Variants in PHACTR1 observed in about 807,000 individuals in gnomAD.
The protein encoded by PHACTR1 is RPEL repeat containing 1.
A neutral mutation model predicts 69.2 loss-of-function variants in PHACTR1; 16 were observed. The ratio of observed to expected loss-of-function variants is 0.23; its 90% CI spans 0.16 to 0.35. The LOEUF (loss-of-function observed/expected upper bound fraction) is 0.35, where lower values mean the gene tolerates loss of function less well. PHACTR1 is among the 10% of genes least tolerant of loss of function. PHACTR1 has a pLI of 1.00. For synonymous variants in PHACTR1, 312 were observed against 284.5 expected (o/e 1.10, Z -0.97); for missense variants, 510 against 734.7 (o/e 0.69, Z 3.54).
chr6:13,283,709 C>A lies in PHACTR1; in HGVS notation c.1650+147C>A. Reference sequence around the variant, plus strand: ...GAGTGTTGAGACCCCAACACCTTTCCCCAGGGGCCACAGATAATCTGCGGA... The same window carrying A: ...GAGTGTTGAGACCCCAACACCTTTCACCAGGGGCCACAGATAATCTGCGGA... On this transcript the variant is annotated intron_variant, in intron 13 of 14. Transcript: ENST00000332995. This position sits in a 1 kb window ranked among gnomAD's most constrained non-coding sequence, Gnocchi z 4.7. 1 of 1,154,950 alleles carries A rather than the reference C, an allele frequency of 8.7e-7. No homozygotes were observed. The allele number at this position is 1,154,950 out of a possible 1,614,324, so 71.5% of individuals were successfully genotyped here. A position where few individuals can be genotyped will look rare whatever the true frequency, so the allele number is the denominator to read the frequency against.
intron 5 of PHACTR1, among the ~76,000 whole-genome samples, chr6:13,064,286 C>G (rs761588047): frequency 1.8e-4 from 28 of 151,566 alleles, no homozygotes; most frequent in Non-Finnish European, 2.6e-4. Flanking sequence ...GACTTGATTA[C>G]AGATTGGATG....
intron 4 of PHACTR1, chr6:12,934,052 G>A (rs1436901777): frequency 7.2e-7 from 1 of 1,387,298 alleles, no homozygotes; most frequent in Non-Finnish European, 9.5e-7. Context: ...CCCAAATCAA[G>A]GTGTTGGTGG....
chr6:12,887,191 C>A (rs1783726548), intron 4 of PHACTR1, among the ~76,000 whole-genome samples: 1 of 152,216 alleles, frequency 6.6e-6, no homozygotes, highest in Non-Finnish European at 1.5e-5. Context: ...AGGCCCCTTC[C>A]TGTGCTCCTC....
intron 6 of PHACTR1, among the ~76,000 whole-genome samples, chr6:13,164,109 C>T (rs192956213): frequency 5.9e-5 from 9 of 152,022 alleles, no homozygotes; most frequent in African/African-American, 9.6e-5. Context: ...CAGTGTCCAC[C>T]GAGAACCCGG....
At chr6:13,023,287 C>T (rs1324513324) in intron 4 of PHACTR1, among the ~76,000 whole-genome samples, 1 of 152,156 alleles carries the variant, frequency 6.6e-6, no homozygotes, top group African/African-American at 2.4e-5. Context: ...TTCCCACTCC[C>T]ACCCTGACCT....
At chr6:13,215,515 T>C (rs1019712801) in intron 8 of PHACTR1, among the ~76,000 whole-genome samples, 1 of 151,664 alleles carries the variant, frequency 6.6e-6, no homozygotes, top group Non-Finnish European at 1.5e-5. Context: ...GAAAAGGGAG[T>C]TGGCATTTGT....
intron 4 of PHACTR1, among the ~76,000 whole-genome samples, chr6:12,919,542 A>G (rs1787411308): frequency 6.6e-6 from 1 of 152,224 alleles, no homozygotes; most frequent in African/African-American, 2.4e-5. Flanking sequence ...TGTGTTTCAG[A>G]ATCAAGGAAA....
Position 13,183,798 on chromosome 6 carries a change from G to A in PHACTR1, c.664+1112G>A, listed in dbSNP as rs1201085560. 9.2e-5 allele frequency among the ~76,000 whole-genome samples: 14 copies of A among 152,194 alleles called. 1 individual carries two copies. Among genetic ancestry groups the A allele is most frequent in the Non-Finnish European group, 1.8e-4 (12 of 68,040 alleles). ...AGACTTCCTTGTGACACTGAAGTCAGATAGATTTGACTGTTATAGTAAAAA... is the reference window on the plus strand; with the variant it reads ...AGACTTCCTTGTGACACTGAAGTCAAATAGATTTGACTGTTATAGTAAAAA... On this transcript the variant is annotated intron_variant, in intron 7 of 14. Transcript: ENST00000332995.
intron 5 of PHACTR1, among the ~76,000 whole-genome samples, chr6:13,116,372 C>G (rs1817822003): frequency 1.3e-5 from 2 of 152,204 alleles, no homozygotes; most frequent in African/African-American, 4.8e-5. Flanking sequence ...AGAGCAATGT[C>G]AAATGAGGAA....
chr6:12,808,521 A>C (rs1459491190), intron 4 of PHACTR1, among the ~76,000 whole-genome samples: 3 of 152,236 alleles, frequency 2.0e-5, no homozygotes, highest in African/African-American at 7.2e-5. Context: ...ATAATGTATG[A>C]AAATAGTGGT....
intron 4 of PHACTR1, among the ~76,000 whole-genome samples, chr6:12,983,627 A>G (rs1256747304): frequency 6.6e-6 from 1 of 152,090 alleles, no homozygotes; most frequent in Non-Finnish European, 1.5e-5. Flanking sequence ...TCCATGTGCC[A>G]TGTTGGTGTG....
At chr6:12,820,784 C>A (rs1255324335) in intron 4 of PHACTR1, among the ~76,000 whole-genome samples, 1 of 152,138 alleles carries the variant, frequency 6.6e-6, no homozygotes, top group East Asian at 1.9e-4. Flanking sequence ...TCAAGTGTAC[C>A]TCTTCTGATT....
chr6:12,737,612 A>G (rs62387020), intron 3 of PHACTR1, among the ~76,000 whole-genome samples: 2 of 147,284 alleles, frequency 1.4e-5, no homozygotes, highest in African/African-American at 2.5e-5. Context: ...TTTTTTTTTA[A>G]GAGACAGGGT....
intron 4 of PHACTR1, among the ~76,000 whole-genome samples, chr6:12,957,110 A>G: frequency 1.3e-5 from 2 of 150,312 alleles, no homozygotes; most frequent in African/African-American, 2.4e-5. Context: ...GGTGGGGGAA[A>G]GGGGAGGCAA....
At chr6:13,003,875 G>A (rs1798395670) in intron 4 of PHACTR1, among the ~76,000 whole-genome samples, 1 of 149,558 alleles carries the variant, frequency 6.7e-6, no homozygotes, top group African/African-American at 2.5e-5. Context: ...TTTCACTTAA[G>A]AGAATGGCCT....
At chr6:12,842,708 ATT>A (rs3036466) in intron 4 of PHACTR1, among the ~76,000 whole-genome samples, 27,857 of 147,672 alleles carry the variant, frequency 0.19, 2,728 homozygotes, top group African/African-American at 0.25. Flanking sequence ...TGCCCAGCTG[ATT>A]TTTTTTTTTG....
intron 4 of PHACTR1, among the ~76,000 whole-genome samples, chr6:12,916,221 A>T (rs1174054564): frequency 2.6e-5 from 4 of 152,168 alleles, no homozygotes; most frequent in Non-Finnish European, 4.4e-5. Context: ...CAGGTTACTC[A>T]CAATCTTCAT....
intron 12 of PHACTR1, chr6:13,279,340 A>G (rs762394853): frequency 6.6e-5 from 10 of 152,210 alleles, no homozygotes; most frequent in Non-Finnish European, 1.2e-4. Flanking sequence ...GCAAGATACA[A>G]TACTCCCTTC....
chr6:12,840,303 T>G (rs530147963), intron 4 of PHACTR1, among the ~76,000 whole-genome samples: 1 of 145,020 alleles, frequency 6.9e-6, no homozygotes, highest in East Asian at 2.0e-4. Flanking sequence ...TGGATCTTTA[T>G]AGAATTCATC....
Sources: gnomAD v4.1 joint callset for allele counts (sites outside exome capture counted in the v4.1 genomes callset) on GRCh38, gnomAD v4.1.1 for gene constraint, Gnocchi (gnomAD v3.1) non-coding constraint, MANE v1.5 for transcripts, NCBI Gene and HGNC (gene_info 2026-07-23, HGNC 2026-07-21) for gene names.